NWD2: variants seen among roughly 807,000 people sequenced by gnomAD.
The protein encoded by NWD2 is NACHT and WD repeat domain containing 2.
A neutral mutation model predicts 132.7 loss-of-function variants in NWD2; 37 were observed. The ratio of observed to expected loss-of-function variants is 0.28; its 90% CI spans 0.21 to 0.37. NWD2 has a LOEUF of 0.37. Among genes scored for constraint, NWD2 ranks in the 10% least tolerant of loss-of-function variants. NWD2 has a pLI of 1.00. For missense variants in NWD2, 1,592 were observed against 2,122.4 expected (o/e 0.75, Z 4.91); for synonymous variants, 705 against 803.0 (o/e 0.88, Z 2.06).
At chr4:37,392,955 C>T (rs116729105) in intron 3 of NWD2, among the ~76,000 whole-genome samples, 202 of 152,244 alleles carry the variant, frequency 1.3e-3, no homozygotes, top group African/African-American at 4.4e-3. Flanking sequence ...ATGTTGTGGA[C>T]GCTTCAGAAA....
At chr4:37,259,162 G>C (rs1404006195) in intron 1 of NWD2, among the ~76,000 whole-genome samples, 1 of 152,230 alleles carries the variant, frequency 6.6e-6, no homozygotes, top group African/African-American at 2.4e-5. Flanking sequence ...TTTATGAGCT[G>C]TGTAACCTGG....
At chr4:37,288,302 G>C (rs988076480) in intron 1 of NWD2, among the ~76,000 whole-genome samples, 3 of 152,220 alleles carry the variant, frequency 2.0e-5, no homozygotes, top group Non-Finnish European at 2.9e-5. Context: ...GTACAAAGAA[G>C]ATAGAGTATT....
Position 37,445,754 on chromosome 4 carries a change from G to A in NWD2, c.3766G>A (p.Val1256Met), listed in dbSNP as rs1290694793. 6.4e-7 allele frequency: 1 copy of A among 1,551,860 alleles called. No individual in the cohort carries two copies. The change falls in exon 7 of 7, where the codon GTG (valine) becomes ATG (methionine). Residue 1256 changes from valine (V) to methionine (M), a missense_variant. Transcript: ENST00000309447. This position sits in a 1 kb window ranked among gnomAD's most constrained non-coding sequence, Gnocchi z 4.7. Reference sequence around the variant, plus strand: ...CGCCACCATGGAAAATACCTCAGCTGTGTTTTTTTGGAGGCGGGACACAGG... The same window carrying A: ...CGCCACCATGGAAAATACCTCAGCTATGTTTTTTTGGAGGCGGGACACAGG... ...IIATMENTSA[V>M]FFWRRDTGQC... is the part of the protein sequence containing the mutation.
At chr4:37,396,093 T>C (rs1007645838) in intron 3 of NWD2, among the ~76,000 whole-genome samples, 41 of 152,304 alleles carry the variant, frequency 2.7e-4, no homozygotes, top group South Asian at 1.9e-3. Flanking sequence ...ATGCTGGTTG[T>C]ACAAATTTAA....
At chr4:37,338,657 T>C (rs1009563710) in intron 2 of NWD2, among the ~76,000 whole-genome samples, 3 of 152,230 alleles carry the variant, frequency 2.0e-5, no homozygotes, top group South Asian at 4.1e-4. Flanking sequence ...GTGGGTCTTA[T>C]ATTAGCGTGG....
intron 3 of NWD2, among the ~76,000 whole-genome samples, chr4:37,391,226 G>A (rs932654314): frequency 1.3e-5 from 2 of 152,172 alleles, no homozygotes; most frequent in African/African-American, 4.8e-5. Context: ...TGTAAAGGAT[G>A]ATGAATTAAA....
intron 3 of NWD2, among the ~76,000 whole-genome samples, chr4:37,375,692 C>T (rs1720333537): frequency 6.6e-6 from 1 of 152,022 alleles, no homozygotes; most frequent in African/African-American, 2.4e-5. Flanking sequence ...CCTCAGCCTC[C>T]CGAGTAGTTA....
At chr4:37,373,430 C>T (rs1002634598) in intron 3 of NWD2, among the ~76,000 whole-genome samples, 4 of 152,192 alleles carry the variant, frequency 2.6e-5, no homozygotes, top group Non-Finnish European at 5.9e-5. Flanking sequence ...GTTGTCAAAG[C>T]TCAATCAGTA....
intron 1 of NWD2, among the ~76,000 whole-genome samples, chr4:37,280,852 T>C (rs756599324): frequency 6.6e-6 from 1 of 152,126 alleles, no homozygotes; most frequent in African/African-American, 2.4e-5. Context: ...ATAGCAAATA[T>C]GAGATGTCCC....
intron 2 of NWD2, among the ~76,000 whole-genome samples, chr4:37,332,635 G>A (rs992718027): frequency 6.6e-6 from 1 of 152,154 alleles, no homozygotes; most frequent in Non-Finnish European, 1.5e-5. Flanking sequence ...GAGAAGTGCT[G>A]GTTATGGGCA....
chr4:37,306,815 G>A (rs1718717449), intron 1 of NWD2, among the ~76,000 whole-genome samples: 2 of 152,138 alleles, frequency 1.3e-5, no homozygotes. Flanking sequence ...ACGGTCAGGA[G>A]AGTGAGACCA....
rs1261950473 is a variant in NWD2, at chr4:37,443,471, T to C, written c.1483T>C (p.Leu495=). 3 of 1,552,208 alleles carry C rather than the reference T, an allele frequency of 1.9e-6. No homozygotes were observed. Among genetic ancestry groups the C allele is most frequent in the South Asian group, 2.4e-5 (2 of 84,062 alleles). ...YPKKIHDLCD[L]FINLLNESSL... is the part of the protein sequence containing the mutation. The stretch of plus-strand genomic sequence containing the variant: ...TAAGAAGATCCATGACCTCTGTGAC[T>C]TATTTATAAATCTTTTGAATGAGTC... Residue 495 remains leucine (L), a synonymous_variant, in exon 7 of 7, where the codon TTA becomes CTA. Transcript: ENST00000309447. The surrounding 1 kb of genome is among the most constrained non-coding windows in gnomAD (Gnocchi z 4.1).
chr4:37,325,093 T>C (rs1719143265), intron 1 of NWD2, among the ~76,000 whole-genome samples: 1 of 152,170 alleles, frequency 6.6e-6, no homozygotes, highest in Non-Finnish European at 1.5e-5. Flanking sequence ...CTATTTGCTC[T>C]TAGAATCTTA....
intron 1 of NWD2, among the ~76,000 whole-genome samples, chr4:37,324,003 C>CA (rs1298514543): frequency 6.6e-6 from 1 of 152,082 alleles, no homozygotes; most frequent in Non-Finnish European, 1.5e-5. Context: ...CACACATGGA[C>CA]ATAAACATGA....
chr4:37,351,182 A>C lies in NWD2; in HGVS notation c.241-5184A>C, dbSNP rs545266490. On this transcript the variant is annotated intron_variant, in intron 2 of 6. Transcript: ENST00000309447. ...TCTGCCAGGTTTTGGTATCAGAATG[A>C]TGCTGGCCTTATAAAATAAGTTAGG... Among the ~76,000 whole-genome samples the C allele has an allele frequency of 4.6e-5, 7 of 152,290 alleles. No homozygotes were observed. The South Asian group carries it at 1.2e-3, about 27-fold the overall frequency.
At chr4:37,293,584 T>C (rs753130694) in intron 1 of NWD2, among the ~76,000 whole-genome samples, 4 of 152,238 alleles carry the variant, frequency 2.6e-5, no homozygotes, top group Non-Finnish European at 4.4e-5. Context: ...AATAGTTTAA[T>C]TAACTTTTTC....
chr4:37,303,637 T>G (rs1372525490), intron 1 of NWD2, among the ~76,000 whole-genome samples: 2 of 152,184 alleles, frequency 1.3e-5, no homozygotes, highest in African/African-American at 4.8e-5. Context: ...TTTCTAGTTT[T>G]CATTGTAGAG....
At chr4:37,441,207 G>A (rs191548695) in intron 6 of NWD2, among the ~76,000 whole-genome samples, 61 of 152,320 alleles carry the variant, frequency 4.0e-4, no homozygotes, top group Admixed American at 1.8e-3. Flanking sequence ...AGATGAAGTA[G>A]CAGGCTTGTA....
chr4:37,428,177 C>T (rs1712059364), intron 3 of NWD2, among the ~76,000 whole-genome samples: 1 of 152,202 alleles, frequency 6.6e-6, no homozygotes, highest in Non-Finnish European at 1.5e-5. Context: ...AATCTTTCAG[C>T]TGCCTGTATC....
Sources: allele counts gnomAD v4.1 joint callset (sites outside exome capture counted in the v4.1 genomes callset), GRCh38; gene constraint gnomAD v4.1.1; non-coding constraint Gnocchi (gnomAD v3.1); transcripts MANE v1.5; gene names NCBI Gene and HGNC (gene_info 2026-07-23, HGNC 2026-07-21).